PHACTR3: variants seen among roughly 807,000 people sequenced by gnomAD.
PHACTR3 encodes phosphatase and actin regulator 3, also known as protein phosphatase 1, regulatory subunit 123.
PHACTR3 carries 16 observed loss-of-function variants against 66.8 expected under a neutral mutation model. That is an observed-to-expected ratio of 0.24 (90% confidence interval 0.16 to 0.36). The LOEUF (loss-of-function observed/expected upper bound fraction) is 0.36. Among genes scored for constraint, PHACTR3 ranks in the 10% least tolerant of loss-of-function variants. The pLI is 1.00. For missense variants in PHACTR3, 647 were observed against 719.9 expected (o/e 0.90, Z 1.16); for synonymous variants, 323 against 292.1 (o/e 1.11, Z -1.08).
At chr20:59,773,727 G>A (rs911891017) in intron 6 of PHACTR3, among the ~76,000 whole-genome samples, 2 of 152,268 alleles carry the variant, frequency 1.3e-5, no homozygotes, top group African/African-American at 4.8e-5. Flanking sequence ...AGGACCCAGG[G>A]TGGGGTGGGA....
At chr20:59,815,270 G>A (rs1459092156) in intron 8 of PHACTR3, among the ~76,000 whole-genome samples, 1 of 152,092 alleles carries the variant, frequency 6.6e-6, no homozygotes, top group Non-Finnish European at 1.5e-5. Flanking sequence ...ATTTCCAAAG[G>A]GATCACCAGA....
chr20:59,665,885 C>T (rs1400936276), intron 1 of PHACTR3, among the ~76,000 whole-genome samples: 1 of 152,174 alleles, frequency 6.6e-6, no homozygotes, highest in Non-Finnish European at 1.5e-5. Context: ...TTGAGGACAT[C>T]AAAGCTTCAT....
intron 1 of PHACTR3, among the ~76,000 whole-genome samples, chr20:59,646,710 C>A (rs936457745): frequency 6.6e-6 from 1 of 152,156 alleles, no homozygotes; most frequent in Non-Finnish European, 1.5e-5. Context: ...GAACATGACT[C>A]GGAGCTGGAA....
intron 3 of PHACTR3, among the ~76,000 whole-genome samples, chr20:59,750,816 G>A (rs2146801491): frequency 6.6e-6 from 1 of 152,248 alleles, no homozygotes; most frequent in Middle Eastern, 3.4e-3. Context: ...TTTACTGTGT[G>A]CCACCTGTAA....
chr20:59,787,319 G>A (rs2040947101), intron 7 of PHACTR3, among the ~76,000 whole-genome samples: 1 of 152,232 alleles, frequency 6.6e-6, no homozygotes, highest in Non-Finnish European at 1.5e-5. Flanking sequence ...CTGGCTTCCG[G>A]GGCTGGGCTG....
chr20:59,821,343 C>T (rs1007520433), intron 8 of PHACTR3, among the ~76,000 whole-genome samples: 4 of 152,212 alleles, frequency 2.6e-5, no homozygotes, highest in Non-Finnish European at 4.4e-5. Flanking sequence ...CTCCTCTTAC[C>T]TTCCTGCTAT....
At chr20:59,682,632 G>C (rs1345514217) in intron 1 of PHACTR3, among the ~76,000 whole-genome samples, 1 of 152,234 alleles carries the variant, frequency 6.6e-6, no homozygotes, top group African/African-American at 2.4e-5. Context: ...AGTATTACAT[G>C]GAGTGTCAGG....
intron 5 of PHACTR3, among the ~76,000 whole-genome samples, chr20:59,769,569 C>T (rs897888475): frequency 3.9e-5 from 6 of 152,220 alleles, no homozygotes; most frequent in Non-Finnish European, 7.3e-5. Flanking sequence ...CTTTGGGCTG[C>T]CCAAGGAGCC....
At chr20:59,741,091 T>C (rs2146759108) in intron 1 of PHACTR3, among the ~76,000 whole-genome samples, 1 of 152,346 alleles carries the variant, frequency 6.6e-6, no homozygotes, top group Admixed American at 6.5e-5. Context: ...CTGTCCTCTC[T>C]GACAAAGGTG....
intron 1 of PHACTR3, among the ~76,000 whole-genome samples, chr20:59,716,003 T>C (rs1169428626): frequency 6.6e-6 from 1 of 152,078 alleles, no homozygotes; most frequent in Non-Finnish European, 1.5e-5. Context: ...CAAGGAGTGT[T>C]TTCTATTCCA....
intron 3 of PHACTR3, among the ~76,000 whole-genome samples, chr20:59,753,035 G>A (rs1363722537): frequency 6.6e-6 from 1 of 152,132 alleles, no homozygotes; most frequent in African/African-American, 2.4e-5. Context: ...AGCTCTCTTG[G>A]CTTGTATCTG....
intron 1 of PHACTR3, among the ~76,000 whole-genome samples, chr20:59,716,592 T>A (rs930591402): frequency 5.9e-5 from 9 of 152,180 alleles, no homozygotes; most frequent in African/African-American, 1.2e-4. Flanking sequence ...TGTCACTTTT[T>A]TTAGAGAGGA....
chr20:59,756,510 C>G (rs2039799374), intron 4 of PHACTR3, among the ~76,000 whole-genome samples: 1 of 152,184 alleles, frequency 6.6e-6, no homozygotes, highest in Non-Finnish European at 1.5e-5. Flanking sequence ...CAGAGGCATG[C>G]TCAGCCCTCT....
At chr20:59,587,787 G>A (rs1430911060) in intron 1 of PHACTR3, among the ~76,000 whole-genome samples, 3 of 152,210 alleles carry the variant, frequency 2.0e-5, no homozygotes, top group African/African-American at 7.2e-5. Context: ...CTGGGCCCGG[G>A]TCATTTTGGT....
At chr20:59,804,763 C>T (rs2041513311) in intron 7 of PHACTR3, among the ~76,000 whole-genome samples, 1 of 152,236 alleles carries the variant, frequency 6.6e-6, no homozygotes, top group African/African-American at 2.4e-5. Flanking sequence ...AAATTCAAGA[C>T]TTGGCTGAGT....
intron 1 of PHACTR3, among the ~76,000 whole-genome samples, chr20:59,742,418 G>A (rs903745163): frequency 3.9e-5 from 6 of 152,168 alleles, no homozygotes; most frequent in Non-Finnish European, 7.4e-5. Flanking sequence ...CCGTTTCATG[G>A]ACAAGGAAGG....
At chr20:59,846,670 ACCCT>A (rs1248354852) in intron 12 of PHACTR3, among the ~76,000 whole-genome samples, 16 of 152,120 alleles carry the variant, frequency 1.1e-4, no homozygotes, top group African/African-American at 3.4e-4. Context: ...TGGTATAAAG[ACCCT>A]AAAATTATTT....
At chr20:59,628,446 G>A (rs2034539083) in intron 1 of PHACTR3, among the ~76,000 whole-genome samples, 1 of 152,226 alleles carries the variant, frequency 6.6e-6, no homozygotes. Flanking sequence ...GCATTTCACA[G>A]AGAGCAAGCA....
intron 1 of PHACTR3, among the ~76,000 whole-genome samples, chr20:59,608,288 C>G (rs1300396612): frequency 6.6e-6 from 1 of 152,006 alleles, no homozygotes; most frequent in African/African-American, 2.4e-5. Flanking sequence ...TTCCCCTAGG[C>G]CTGACCTTCC....
Sources: gnomAD v4.1 joint callset for allele counts (sites outside exome capture counted in the v4.1 genomes callset) on GRCh38, gnomAD v4.1.1 for gene constraint, MANE v1.5 for transcripts, NCBI Gene and HGNC (gene_info 2026-07-23, HGNC 2026-07-21) for gene names.